The following EIF3M variants were observed in gnomAD, a reference collection of about 807,000 sequenced individuals.
EIF3M encodes the protein eukaryotic translation initiation factor 3 subunit M.
In EIF3M, 25 loss-of-function variants were observed where a neutral mutation model predicts 49.7. The observed-to-expected ratio is 0.50, with a 90% CI of 0.37 to 0.70. The LOEUF (loss-of-function observed/expected upper bound fraction) is 0.70. EIF3M is among the 30% of genes least tolerant of loss of function. The pLI is 0.00. For missense variants in EIF3M, 350 were observed against 440.0 expected (o/e 0.80, Z 1.83); for synonymous variants, 156 against 149.8 (o/e 1.04, Z -0.30).
At chr11:32,590,212 A>T (rs1252950464) in intron 5 of EIF3M, among the ~76,000 whole-genome samples, 1 of 152,220 alleles carries the variant, frequency 6.6e-6, no homozygotes, top group Admixed American at 6.5e-5. Context: ...ATTTCATGAT[A>T]TGTGGACATT....
chr11:32,601,904 A>G, intron 10 of EIF3M, 82 bp downstream of exon 10: 1 of 1,440,794 alleles, frequency 6.9e-7, no homozygotes, highest in Non-Finnish European at 9.6e-7. Flanking sequence ...TAGAGAACCA[A>G]GGTGGTGTTA....
intron 1 of EIF3M, among the ~76,000 whole-genome samples, chr11:32,585,432 A>C (rs562342921): frequency 5.7e-4 from 87 of 152,290 alleles, no homozygotes; most frequent in Non-Finnish European, 1.1e-3. Flanking sequence ...GGGAAATATG[A>C]AATTGCTCAG....
chr11:32,591,572 C>T (rs767622262), intron 5 of EIF3M, among the ~76,000 whole-genome samples: 2 of 152,166 alleles, frequency 1.3e-5, no homozygotes, highest in Admixed American at 6.5e-5. Context: ...ATCAATAGTG[C>T]ACTTTTTGCA....
intron 9 of EIF3M, chr11:32,601,479 G>A: frequency 3.8e-6 from 1 of 261,266 alleles, no homozygotes; most frequent in Non-Finnish European, 7.1e-6. Flanking sequence ...GAGATGGTAG[G>A]GGAAGAACAC....
At chr11:32,592,210 T>C in intron 5 of EIF3M, 1 of 378,998 alleles carries the variant, frequency 2.6e-6, no homozygotes, top group Non-Finnish European at 5.0e-6. Flanking sequence ...ATAAAGTTGC[T>C]AGATCCACTC....
Position 32,596,464 on chromosome 11 carries a change from G to A in EIF3M, c.799+417G>A, listed in dbSNP as rs1339386853. Reference sequence around the variant, plus strand: ...CAAAAAATTAGCCGGGCGCGGTGGCGGGTGCCCGTAGTCCCAGCTACTTGA... The same window carrying A: ...CAAAAAATTAGCCGGGCGCGGTGGCAGGTGCCCGTAGTCCCAGCTACTTGA... On this transcript the variant is annotated intron_variant, in intron 8 of 10. Transcript: ENST00000531120. Among the ~76,000 whole-genome samples the A allele has an allele frequency of 2.6e-5, 4 of 151,920 alleles. No homozygotes were observed. In the East Asian group the frequency reaches 5.8e-4, roughly 22 times the overall value.
At chr11:32,596,424 T>C (rs1466926716) in intron 8 of EIF3M, among the ~76,000 whole-genome samples, 1 of 151,740 alleles carries the variant, frequency 6.6e-6, no homozygotes, top group African/African-American at 2.4e-5. Context: ...TGAAACCCTG[T>C]CTCTACTAAA....
rs1855144326 is a variant in EIF3M, at chr11:32,594,137, G to T, written c.617+188G>T. 2.8e-5 allele frequency: 11 copies of T among 387,994 alleles called. No homozygotes were observed. The East Asian group carries it at 4.2e-4, about 15-fold the overall frequency. The allele number at this position is 387,994 out of a possible 1,614,324, so 24.0% of individuals were successfully genotyped here. On this transcript the variant is annotated intron_variant, in intron 6 of 10. Transcript: ENST00000531120. ...TTTGATATTGGAAGAACTGTGGATT[G>T]AATATGAAGTAGCTGCATGGCGTTT...
chr11:32,602,029 G>A (rs1465005180), intron 10 of EIF3M: 1 of 827,692 alleles, frequency 1.2e-6, no homozygotes, highest in Admixed American at 2.6e-5. Flanking sequence ...TTCATTTAAT[G>A]GCTGAGCATT....
Position 32,602,898 on chromosome 11 carries a change from A to G in EIF3M, c.*499A>G. The stretch of plus-strand genomic sequence containing the variant: ...CATTTTCTAAACTTAGTAAATTTTC[A>G]CTTTTATTTAGTTGATTCGTAATGA... On this transcript the variant is annotated 3_prime_UTR_variant, in exon 11 of 11. Coordinates refer to ENST00000531120, the MANE Select transcript of EIF3M (RefSeq NM_006360.6). The G allele has an allele frequency of 1.2e-6, 2 of 1,611,962 alleles. No homozygotes were observed. Among genetic ancestry groups the G allele is most frequent in the Non-Finnish European group, 8.5e-7 (1 of 1,179,238 alleles).
In EIF3M at chr11:32,601,074, G is replaced by GTTA. The variant is rs1449062309; in HGVS notation, c.943+243_943+245dup. On this transcript the variant is annotated intron_variant, in intron 9 of 10. Coordinates refer to ENST00000531120, the MANE Select transcript of EIF3M (RefSeq NM_006360.6). ...GACGTTTAGGCAATACACCACTGTG[G>GTTA]TTAAGAGCACAGATTTTAGTATTAG... 39 of 302,578 alleles carry GTTA rather than the reference G, an allele frequency of 1.3e-4. No individual in the cohort carries two copies. In the East Asian group the frequency reaches 2.3e-3, roughly 17 times the overall value. 18.7% of individuals were successfully genotyped at this position (302,578 alleles called of 1,614,324 possible). A position where few individuals can be genotyped will look rare whatever the true frequency, so the allele number is the denominator to read the frequency against.
chr11:32,597,501 TTTA>T (rs1855198886), intron 8 of EIF3M, among the ~76,000 whole-genome samples: 1 of 152,252 alleles, frequency 6.6e-6, no homozygotes, highest in Non-Finnish European at 1.5e-5. Context: ...CAGCATAGTC[TTTA>T]TTATTTTTAT....
At position 32,603,173 on chromosome 11, in the gene EIF3M, A is replaced by G. The variant is rs1275895884; in HGVS notation, c.*774A>G. 1.7e-6 allele frequency: 1 copy of G among 599,148 alleles called. No individual in the cohort carries two copies. Among genetic ancestry groups the G allele is most frequent in the African/African-American group, 1.9e-5 (1 of 53,860 alleles). 37.1% of individuals were successfully genotyped at this position (599,148 alleles called of 1,614,324 possible). On this transcript the variant is annotated 3_prime_UTR_variant, in exon 11 of 11. Transcript: ENST00000531120. ...TAGTTCTGGCACCAGAAAAGTATACAATGTGAATGTGTAGGCTTATGTAGT... is the reference window on the plus strand; with the variant it reads ...TAGTTCTGGCACCAGAAAAGTATACGATGTGAATGTGTAGGCTTATGTAGT...
Position 32,589,719 on chromosome 11 carries a change from G to A in EIF3M, c.533+78G>A. 7 of 1,313,762 alleles carry A rather than the reference G, an allele frequency of 5.3e-6. No individual in the cohort carries two copies. In the South Asian group the frequency reaches 7.5e-5, roughly 14 times the overall value. 81.4% of individuals were successfully genotyped at this position (1,313,762 alleles called of 1,614,324 possible). The stretch of plus-strand genomic sequence containing the variant: ...GGGGATGTTTTTTAAAGAGAAGTAG[G>A]GCCAGTAATTTTGCTTTACTCTGTT... On this transcript the variant is annotated intron_variant, in intron 5 of 10. Transcript: ENST00000531120.
chr11:32,592,870 ATTGTAGTGCATTACAGCC>A, intron 5 of EIF3M: 1 of 293,066 alleles, frequency 3.4e-6, no homozygotes, highest in East Asian at 9.5e-5. Context: ...CACAGGTGCA[ATTGTAGTGCATTACAGCC>A]TTGAATTCCT....
chr11:32,602,919 A>G lies in EIF3M; in HGVS notation c.*520A>G. On this transcript the variant is annotated 3_prime_UTR_variant, in exon 11 of 11. Transcript: ENST00000531120. ...TTTCACTTTTATTTAGTTGATTCGT[A>G]ATGAGGCTCTGCCAGTCATCATCAC... The G allele has an allele frequency of 6.2e-7, 1 of 1,612,950 alleles. No homozygotes were observed. The highest frequency in any genetic ancestry group is 1.7e-5 in the Admixed American group (1 of 59,936).
At chr11:32,588,128 C>T (rs1241302639) in intron 2 of EIF3M, among the ~76,000 whole-genome samples, 7 of 152,126 alleles carry the variant, frequency 4.6e-5, no homozygotes, top group East Asian at 1.9e-4. Flanking sequence ...TAGTGGCTCA[C>T]GCCTGTAATC....
Position 32,587,065 on chromosome 11 carries a change from G to A in EIF3M, c.96G>A (p.Glu32=). The change falls in exon 2 of 11, where the codon GAG becomes GAA. Residue 32 remains glutamate, a synonymous_variant. Coordinates refer to ENST00000531120, the MANE Select transcript of EIF3M (RefSeq NM_006360.6). The part of the protein sequence containing the change: ...LKSKGAEISE[E]NSEGGLHVDL... Reference sequence around the variant, plus strand: ...CTAAAGGAGCTGAGATTTCAGAAGAGAACTCGGAAGGTGGACTTCATGTTG... The same window carrying A: ...CTAAAGGAGCTGAGATTTCAGAAGAAAACTCGGAAGGTGGACTTCATGTTG... The A allele has an allele frequency of 6.2e-7, 1 of 1,612,798 alleles. No individual in the cohort carries two copies.
chr11:32,588,649 C>T lies in EIF3M; in HGVS notation c.231C>T (p.Asp77=). 6.2e-7 allele frequency: 1 copy of T among 1,614,202 alleles called. No homozygotes were observed. Among genetic ancestry groups the T allele is most frequent in the Non-Finnish European group, 8.5e-7 (1 of 1,180,034 alleles). The change falls in exon 3 of 11, where the codon GAC becomes GAT. Residue 77 remains aspartate (D), a synonymous_variant. Coordinates refer to ENST00000531120, the MANE Select transcript of EIF3M (RefSeq NM_006360.6). The part of the protein sequence containing the change: ...VVSLLLILEP[D]KQEALIESLC... ...CCCTACTCTTGATCCTGGAACCAGA[C>T]AAGCAAGAAGCTTTGATTGAAAGCC...
Sources: allele counts gnomAD v4.1 joint callset (sites outside exome capture counted in the v4.1 genomes callset), GRCh38; gene constraint gnomAD v4.1.1; transcripts MANE v1.5; gene names NCBI Gene and HGNC (gene_info 2026-07-23, HGNC 2026-07-21).